CGNL1: variants seen among roughly 807,000 people sequenced by gnomAD.
CGNL1 encodes the protein cingulin-like protein 1.
In CGNL1, 132 loss-of-function variants were observed where a neutral mutation model predicts 141.2. The observed-to-expected ratio is 0.93, with a 90% CI of 0.81 to 1.08. The LOEUF (loss-of-function observed/expected upper bound fraction) is 1.08. Ranked by LOEUF, CGNL1 falls within the 50% of genes least tolerant of loss-of-function variation. The pLI is 0.00. For missense variants in CGNL1, 1,870 were observed against 1,588.6 expected, an observed-to-expected ratio of 1.18 and a Z score of -3.01; for synonymous variants, 690 against 622.1, an observed-to-expected ratio of 1.11 and a Z score of -1.63.
At chr15:57,526,644 C>T (rs1212694823) in intron 12 of CGNL1, among the ~76,000 whole-genome samples, 1 of 149,562 alleles carries the variant, frequency 6.7e-6, no homozygotes, top group African/African-American at 2.6e-5. Context: ...TTTTCTACAT[C>T]TCTTTTAGCA....
intron 1 of CGNL1, among the ~76,000 whole-genome samples, chr15:57,435,040 G>T (rs1402480521): frequency 6.6e-6 from 1 of 152,078 alleles, no homozygotes; most frequent in Non-Finnish European, 1.5e-5. Context: ...CTGATATTTT[G>T]ATCATTTGGA....
At position 57,439,612 on chromosome 15, in the gene CGNL1, T is replaced by C. The variant is rs757484656; in HGVS notation, c.1602+11T>C. The C allele has an allele frequency of 6.2e-7, 1 of 1,605,190 alleles. No individual in the cohort carries two copies. The highest frequency in any genetic ancestry group is 8.5e-7 in the Non-Finnish European group (1 of 1,174,688). ...GCCTCAAATACTCAGGTAACACTAG[T>C]GCGATTCCTGTTTGGTTTTTTTTCT... is the stretch of plus-strand genomic sequence containing the variant. On this transcript the variant is annotated intron_variant, in intron 2 of 18. Coordinates refer to ENST00000281282, the MANE Select transcript of CGNL1 (RefSeq NM_032866.5).
At chr15:57,415,727 C>T (rs181322081) in intron 1 of CGNL1, among the ~76,000 whole-genome samples, 123 of 152,336 alleles carry the variant, frequency 8.1e-4, no homozygotes, top group African/African-American at 1.8e-3. Context: ...GTGCCTGGCA[C>T]GGGCCCAACG....
intron 1 of CGNL1, among the ~76,000 whole-genome samples, chr15:57,433,117 C>A (rs1289864110): frequency 6.6e-6 from 1 of 152,136 alleles, no homozygotes; most frequent in Non-Finnish European, 1.5e-5. Context: ...CAAAAAATTT[C>A]TTCTGTTTAA....
At chr15:57,502,524 A>G (rs1330243928) in intron 8 of CGNL1, among the ~76,000 whole-genome samples, 4 of 152,206 alleles carry the variant, frequency 2.6e-5, no homozygotes, top group African/African-American at 9.7e-5. Flanking sequence ...GGTAAGATGA[A>G]TGAAATACAG....
chr15:57,381,708 T>C (rs1169711016), intron 1 of CGNL1, among the ~76,000 whole-genome samples: 1 of 152,242 alleles, frequency 6.6e-6, no homozygotes, highest in African/African-American at 2.4e-5. Flanking sequence ...CTTGTTTATT[T>C]TTTAACATCA....
intron 4 of CGNL1, among the ~76,000 whole-genome samples, chr15:57,447,112 C>T (rs867764455): frequency 3.3e-5 from 5 of 151,942 alleles, no homozygotes; most frequent in Admixed American, 6.6e-5. Flanking sequence ...GTGGAACTGA[C>T]GTCTTAATAT....
chr15:57,487,536 T>C (rs1277134479), intron 8 of CGNL1, among the ~76,000 whole-genome samples: 2 of 152,218 alleles, frequency 1.3e-5, no homozygotes, highest in South Asian at 2.1e-4. Context: ...GGTAATAATA[T>C]AAGTGTCATT....
At chr15:57,525,950 A>C (rs1225722403) in intron 12 of CGNL1, among the ~76,000 whole-genome samples, 1 of 152,192 alleles carries the variant, frequency 6.6e-6, no homozygotes, top group African/African-American at 2.4e-5. Context: ...GGTATCTGCC[A>C]GAACACCAAC....
chr15:57,479,141 G>A (rs563263029), intron 8 of CGNL1, among the ~76,000 whole-genome samples: 1 of 152,168 alleles, frequency 6.6e-6, no homozygotes, highest in South Asian at 2.1e-4. Context: ...CTGGTTTATT[G>A]CCTTTTCCAG....
chr15:57,405,583 G>C (rs907443668), intron 1 of CGNL1, among the ~76,000 whole-genome samples: 1 of 152,172 alleles, frequency 6.6e-6, no homozygotes, highest in African/African-American at 2.4e-5. Context: ...AGCTTGGTGA[G>C]TGGGGAGCAG....
At chr15:57,456,250 T>TAAC (rs2152327412) in intron 7 of CGNL1, among the ~76,000 whole-genome samples, 1 of 152,340 alleles carries the variant, frequency 6.6e-6, no homozygotes, top group African/African-American at 2.4e-5. Context: ...AACAAACTCT[T>TAAC]AACACAATGA....
chr15:57,546,107 A>G lies in CGNL1; in HGVS notation c.3641A>G (p.Gln1214Arg), dbSNP rs751213144. 13 of 1,613,804 alleles carry G rather than the reference A, an allele frequency of 8.1e-6. No individual in the cohort carries two copies. In the East Asian group the frequency reaches 2.2e-4, roughly 28 times the overall value. Residue 1214 changes from glutamine (Q) to arginine (R), a missense_variant, in exon 18 of 19, where the codon CAG (glutamine) becomes CGG (arginine). Physicochemically the swap from Gln to Arg is conservative, Grantham distance 43 (BLOSUM62 1). Transcript: ENST00000281282. ...TTGCGTTTGAAAGCCATGAAGCGGC[A>G]GGTGGAGGAGGCTGAGGAGGAAATC... ...LSLRLKAMKR[Q>R]VEEAEEEIDR... is the part of the protein sequence containing the mutation.
Position 57,452,147 on chromosome 15 carries a change from C to T in CGNL1, c.1912C>T (p.Gln638Ter). 6.2e-7 allele frequency: 1 copy of T among 1,611,810 alleles called. No individual in the cohort carries two copies. The highest frequency in any genetic ancestry group is 8.5e-7 in the Non-Finnish European group (1 of 1,179,146). The change falls in exon 6 of 19, where the codon CAG (glutamine) becomes TAG (stop). Residue 638 changes from glutamine (Q) to a stop codon, truncating the protein, a stop_gained. Coordinates refer to ENST00000281282, the MANE Select transcript of CGNL1 (RefSeq NM_032866.5). LOFTEE classifies it high-confidence loss of function. ...RQLQLEVKNQ[Q>*]NIKEERERMR... ...TCACACTGATTCCTGTTAGAATCAACAGAACATTAAAGAAGAGAGAGAGAG... is the reference window on the plus strand; with the variant it reads ...TCACACTGATTCCTGTTAGAATCAATAGAACATTAAAGAAGAGAGAGAGAG...
At chr15:57,469,579 G>C (rs1280379) in intron 8 of CGNL1, among the ~76,000 whole-genome samples, 1 of 152,056 alleles carries the variant, frequency 6.6e-6, no homozygotes, top group South Asian at 2.1e-4. Context: ...TTTTGCATTA[G>C]ACATGTCCAT....
At chr15:57,530,853 C>T (rs1431997281) in intron 13 of CGNL1, among the ~76,000 whole-genome samples, 3 of 152,170 alleles carry the variant, frequency 2.0e-5, no homozygotes, top group East Asian at 1.9e-4. Context: ...TTGGCAATTG[C>T]AGAGACAATA....
rs965147245 is a variant in CGNL1, at chr15:57,398,654, T to G, written c.-16+22087T>G. 5.8e-4 allele frequency among the ~76,000 whole-genome samples: 88 copies of G among 152,204 alleles called. 2 individuals are homozygous for G. Among genetic ancestry groups the G allele is most frequent in the Non-Finnish European group, 1.9e-4 (13 of 68,026 alleles). On this transcript the variant is annotated intron_variant, in intron 1 of 18. Transcript: ENST00000281282. Reference sequence around the variant, plus strand: ...GTCTTTCAAACATAATAACTGAGCATGTTGGAAAACCAGGCTGGCGTCATG... The same window carrying G: ...GTCTTTCAAACATAATAACTGAGCAGGTTGGAAAACCAGGCTGGCGTCATG...
At chr15:57,533,729 T>C (rs760096579) in intron 14 of CGNL1, among the ~76,000 whole-genome samples, 6 of 152,206 alleles carry the variant, frequency 3.9e-5, no homozygotes, top group Non-Finnish European at 8.8e-5. Flanking sequence ...CCAGAATTGC[T>C]CTGGACACTT....
intron 1 of CGNL1, among the ~76,000 whole-genome samples, chr15:57,382,029 G>A (rs1437807725): frequency 1.3e-5 from 2 of 152,184 alleles, no homozygotes; most frequent in African/African-American, 4.8e-5. Context: ...AGTTTCTGTA[G>A]ATAATTGGTT....
Sources: allele counts gnomAD v4.1 joint callset (sites outside exome capture counted in the v4.1 genomes callset), GRCh38; gene constraint gnomAD v4.1.1; transcripts MANE v1.5; gene names NCBI Gene and HGNC (gene_info 2026-07-23, HGNC 2026-07-21).